The following SUSD5 variants were observed in gnomAD, a reference collection of about 807,000 sequenced individuals.
The protein encoded by SUSD5 is sushi domain containing 5.
Under a neutral mutation model 29.5 loss-of-function variants are expected in SUSD5, and 33 were observed. That is an observed-to-expected ratio of 1.12 (90% confidence interval 0.85 to 1.49). The LOEUF (loss-of-function observed/expected upper bound fraction) is 1.49. Among genes scored for constraint, SUSD5 ranks in the 40% most tolerant of loss-of-function variants. The pLI is 0.00. For missense variants in SUSD5, 776 were observed against 800.6 expected (o/e 0.97, Z 0.37); for synonymous variants, 308 against 325.3 (o/e 0.95, Z 0.57).
chr3:33,179,388 C>G (rs1471145461), intron 3 of SUSD5, among the ~76,000 whole-genome samples: 1 of 152,044 alleles, frequency 6.6e-6, no homozygotes, highest in African/African-American at 2.4e-5. Flanking sequence ...GAAGAATGGA[C>G]AGCTGTGTAG....
At chr3:33,178,109 GTTTTGT>G (rs968804582) in intron 3 of SUSD5, among the ~76,000 whole-genome samples, 19 of 152,086 alleles carry the variant, frequency 1.2e-4, no homozygotes, top group African/African-American at 2.2e-4. Context: ...AGGTTTTTTT[GTTTTGT>G]TTTTGTTTTT....
intron 3 of SUSD5, among the ~76,000 whole-genome samples, chr3:33,177,744 C>T (rs183494788): frequency 1.3e-5 from 2 of 152,132 alleles, no homozygotes; most frequent in East Asian, 1.9e-4. Context: ...AACTTTTGTA[C>T]GTTAACCTTG....
intron 4 of SUSD5, among the ~76,000 whole-genome samples, chr3:33,164,449 C>T (rs1316320308): frequency 1.3e-5 from 2 of 152,166 alleles, no homozygotes; most frequent in Non-Finnish European, 1.5e-5. Context: ...CACTACTTAT[C>T]TGCACACTTG....
At chr3:33,184,671 G>A (rs747174431) in intron 3 of SUSD5, among the ~76,000 whole-genome samples, 6 of 151,930 alleles carry the variant, frequency 3.9e-5, no homozygotes, top group Admixed American at 2.0e-4. Flanking sequence ...ATCTTCAACC[G>A]CAGATATTTT....
chr3:33,212,962 T>A (rs1190334330), intron 2 of SUSD5, among the ~76,000 whole-genome samples: 2 of 152,074 alleles, frequency 1.3e-5, no homozygotes, highest in African/African-American at 4.8e-5. Flanking sequence ...CAGATGAGTA[T>A]CCACAGAAAA....
intron 4 of SUSD5, among the ~76,000 whole-genome samples, chr3:33,171,383 G>T (rs1479484669): frequency 6.6e-6 from 1 of 151,620 alleles, no homozygotes; most frequent in Non-Finnish European, 1.5e-5. Context: ...TTAAGGCTCA[G>T]AAAAGTCAAG....
At position 33,204,858 on chromosome 3, in the gene SUSD5, G is replaced by C. The variant is rs1197187933; in HGVS notation, c.409+2950C>G. ...TTTTAAAATTTTATATAATTTCAAA[G>C]TTACATAAACATTATAAAAGCAAGG... On this transcript the variant is annotated intron_variant, in intron 3 of 4. Transcript: ENST00000309558. This position sits in a 1 kb window ranked among gnomAD's most constrained non-coding sequence, Gnocchi z 4.5. 1.3e-5 allele frequency among the ~76,000 whole-genome samples: 2 copies of C among 152,088 alleles called. No homozygotes were observed. The highest frequency in any genetic ancestry group is 2.9e-5 in the Non-Finnish European group (2 of 68,006).
At chr3:33,155,616 A>G (rs2031032586) in intron 4 of SUSD5, among the ~76,000 whole-genome samples, 1 of 152,236 alleles carries the variant, frequency 6.6e-6, no homozygotes, top group Non-Finnish European at 1.5e-5. Flanking sequence ...AAGAATGTTC[A>G]TAATAGTAAA....
intron 3 of SUSD5, among the ~76,000 whole-genome samples, chr3:33,178,446 G>T (rs12495665): frequency 0.24 from 32,896 of 137,906 alleles, 4,059 homozygotes; most frequent in East Asian, 0.38. Context: ...TTTTTTTTTT[G>T]TTGTTGTTTT....
chr3:33,201,899 C>A (rs184952355), intron 3 of SUSD5, among the ~76,000 whole-genome samples: 2 of 152,310 alleles, frequency 1.3e-5, no homozygotes, highest in African/African-American at 4.8e-5. Context: ...ATCCCCTCAA[C>A]TTATCCATCT....
chr3:33,213,821 A>C, intron 2 of SUSD5, 107 bp downstream of exon 2: 1 of 1,205,818 alleles, frequency 8.3e-7, no homozygotes, highest in Non-Finnish European at 1.2e-6. Flanking sequence ...GCTACTGCCC[A>C]CTGTACTCTG....
chr3:33,165,566 A>G (rs2031285841), intron 4 of SUSD5, among the ~76,000 whole-genome samples: 1 of 152,224 alleles, frequency 6.6e-6, no homozygotes, highest in African/African-American at 2.4e-5. Context: ...TGTACCAGGA[A>G]AAACTGGCAC....
At chr3:33,157,724 G>A (rs1356745382) in intron 4 of SUSD5, among the ~76,000 whole-genome samples, 1 of 152,136 alleles carries the variant, frequency 6.6e-6, no homozygotes, top group African/African-American at 2.4e-5. Context: ...TTTGCTCTCT[G>A]CCTCGGAGCC....
rs1431123774 is a variant in SUSD5, at chr3:33,164,266, A to T, written c.599-10233T>A. On this transcript the variant is annotated intron_variant, in intron 4 of 4. Coordinates refer to ENST00000309558, the MANE Select transcript of SUSD5 (RefSeq NM_015551.2). ...AACCTAATACAGTGTGATTCCACTT[A>T]CATGAGGCTTTGATAGTAGTCACAT... Among the ~76,000 whole-genome samples the T allele has an allele frequency of 2.6e-5, 4 of 152,220 alleles. No individual in the cohort carries two copies. In the East Asian group the frequency reaches 5.8e-4, roughly 22 times the overall value.
intron 3 of SUSD5, among the ~76,000 whole-genome samples, chr3:33,200,374 G>A (rs529137147): frequency 1.3e-5 from 2 of 152,220 alleles, no homozygotes; most frequent in Non-Finnish European, 2.9e-5. Context: ...TGGGGGGTTT[G>A]CTGTAACAAA....
At position 33,153,754 on chromosome 3, in the gene SUSD5, A is replaced by C. The variant is rs2030977063; in HGVS notation, c.878T>G (p.Leu293Trp). Residue 293 changes from leucine (L) to tryptophan (W), a missense_variant, in exon 5 of 5, where the codon TTG (leucine) becomes TGG (tryptophan). Transcript: ENST00000309558. ...GAAAGCCTCAGCAGGAAACCAGAAC[A>C]AGTGCTTCTGGAGCAGCCGTGATCC... ...SPGSRLLQKH[L>W]FWFPAEAFHK... The C allele has an allele frequency of 1.2e-6, 2 of 1,614,050 alleles. No homozygotes were observed. Among genetic ancestry groups the C allele is most frequent in the Non-Finnish European group, 1.7e-6 (2 of 1,179,898 alleles).
At chr3:33,185,555 T>A (rs2031761083) in intron 3 of SUSD5, among the ~76,000 whole-genome samples, 1 of 152,178 alleles carries the variant, frequency 6.6e-6, no homozygotes, top group Non-Finnish European at 1.5e-5. Flanking sequence ...TGTTTTTACC[T>A]GTTTCTCCAA....
In SUSD5 at chr3:33,178,457, G is replaced by T. The variant is rs55886739; in HGVS notation, c.410-3383C>A. On this transcript the variant is annotated intron_variant, in intron 3 of 4. Transcript: ENST00000309558. Reference sequence around the variant, plus strand: ...GTAGTTTTTTTTTTGTTGTTGTTTTGTTTTTTTTTGAGACGGAGTCTTGCT... The same window carrying T: ...GTAGTTTTTTTTTTGTTGTTGTTTTTTTTTTTTTTGAGACGGAGTCTTGCT... Among the ~76,000 whole-genome samples the T allele has an allele frequency of 6.1e-3, 663 of 108,868 alleles. 6 individuals carry two copies. The highest frequency in any genetic ancestry group is 7.9e-3 in the South Asian group (20 of 2,534). The allele number at this position is 108,868 out of a possible 152,430, so 71.4% of individuals were successfully genotyped here. A position where few individuals can be genotyped will look rare whatever the true frequency, so the allele number is the denominator to read the frequency against.
chr3:33,217,839 G>A (rs930771751), intron 1 of SUSD5, among the ~76,000 whole-genome samples: 1 of 152,164 alleles, frequency 6.6e-6, no homozygotes. Flanking sequence ...ACTACCTCAT[G>A]GGTGTGAGAA....
Sources: gnomAD v4.1 joint callset for allele counts (sites outside exome capture counted in the v4.1 genomes callset) on GRCh38, gnomAD v4.1.1 for gene constraint, Gnocchi (gnomAD v3.1) non-coding constraint, MANE v1.5 for transcripts, NCBI Gene and HGNC (gene_info 2026-07-23, HGNC 2026-07-21) for gene names.